ACSS2: variants seen among roughly 807,000 people sequenced by gnomAD.
ACSS2 encodes acyl-CoA synthetase short chain family member 2.
ACSS2 carries 58 observed loss-of-function variants against 90.6 expected under a neutral mutation model. The ratio of observed to expected loss-of-function variants is 0.64; its 90% CI spans 0.52 to 0.80. The LOEUF is 0.80. Among genes scored for constraint, ACSS2 ranks in the 30% least tolerant of loss-of-function variants. ACSS2 has a pLI of 0.00. For synonymous variants in ACSS2, 300 were observed against 330.9 expected (o/e 0.91, Z 1.01); for missense variants, 759 against 912.0 (o/e 0.83, Z 2.16).
chr20:34,916,065 A>G (rs548011581), intron 7 of ACSS2, among the ~76,000 whole-genome samples: 1 of 152,364 alleles, frequency 6.6e-6, no homozygotes, highest in Admixed American at 6.5e-5. Context: ...GTCTTACTCT[A>G]AATCTGCTAT....
At chr20:34,926,358 G>T in intron 16 of ACSS2, 77 bp downstream of exon 16, 2 of 1,489,850 alleles carry the variant, frequency 1.3e-6, no homozygotes, top group Non-Finnish European at 1.8e-6. Flanking sequence ...TTGGGGAGGG[G>T]CTAGAGCAAG....
rs919947840 is a variant in ACSS2, at chr20:34,923,323, G to A, written c.1549G>A (p.Val517Met). 3 of 1,612,254 alleles carry A rather than the reference G, an allele frequency of 1.9e-6. No individual in the cohort carries two copies. The highest frequency in any genetic ancestry group is 2.5e-6 in the Non-Finnish European group (3 of 1,178,322). ...ELEGEAEGYL[V>M]FKQPWPGIMR... ...TCACTGTCCCTTCCTCACTCCCCAG[G>A]TGTTCAAGCAGCCCTGGCCAGGGAT... The change falls in exon 14 of 18, where the codon GTG (valine) becomes ATG (methionine). Residue 517 changes from valine to methionine, a missense_variant and splice_region_variant. Transcript: ENST00000360596.
chr20:34,877,843 A>AAAG (rs2079959868), intron 1 of ACSS2, among the ~76,000 whole-genome samples: 1 of 151,282 alleles, frequency 6.6e-6, no homozygotes, highest in Non-Finnish European at 1.5e-5. Context: ...AAAAAAAAAA[A>AAAG]AAAAAAGGTA....
chr20:34,907,478 G>A (rs1280496012), intron 2 of ACSS2, among the ~76,000 whole-genome samples: 2 of 152,220 alleles, frequency 1.3e-5, no homozygotes, highest in African/African-American at 2.4e-5. Context: ...CATGTATATG[G>A]TGGTTGTACT....
At chr20:34,902,929 C>T (rs1489637704) in intron 2 of ACSS2, among the ~76,000 whole-genome samples, 3 of 142,992 alleles carry the variant, frequency 2.1e-5, no homozygotes, top group Non-Finnish European at 4.5e-5. Context: ...GAGAGCATTT[C>T]GCTATGTTGC....
intron 2 of ACSS2, among the ~76,000 whole-genome samples, chr20:34,887,959 A>C (rs2080239642): frequency 2.0e-5 from 3 of 148,364 alleles, no homozygotes; most frequent in African/African-American, 7.5e-5. Flanking sequence ...AATCCCAGCT[A>C]CTTGGGAGGC....
At chr20:34,906,676 GA>G (rs2080814080) in intron 2 of ACSS2, among the ~76,000 whole-genome samples, 2 of 152,104 alleles carry the variant, frequency 1.3e-5, no homozygotes, top group Non-Finnish European at 1.5e-5. Context: ...TAGCAGTGAA[GA>G]AAACAAATAA....
intron 5 of ACSS2, 122 bp downstream of exon 5, chr20:34,913,947 C>A: frequency 7.4e-7 from 1 of 1,352,276 alleles, no homozygotes; most frequent in Non-Finnish European, 1.1e-6. Context: ...CTTTTCTCTC[C>A]TGGTCCCACC....
intron 1 of ACSS2, among the ~76,000 whole-genome samples, chr20:34,878,035 G>A (rs768913076): frequency 2.0e-5 from 3 of 152,138 alleles, no homozygotes; most frequent in Non-Finnish European, 4.4e-5. Flanking sequence ...CTGGGCTCAT[G>A]CGATCTTTCC....
chr20:34,899,475 T>TCCTTCC (rs2080588341), intron 2 of ACSS2, among the ~76,000 whole-genome samples: 2 of 113,580 alleles, frequency 1.8e-5, no homozygotes, highest in Admixed American at 9.5e-5. Context: ...TCCTTTCTTT[T>TCCTTCC]TCTTTCTTTT....
At chr20:34,885,522 G>T (rs1275699129) in intron 2 of ACSS2, among the ~76,000 whole-genome samples, 1 of 152,200 alleles carries the variant, frequency 6.6e-6, no homozygotes, top group Non-Finnish European at 1.5e-5. Context: ...CTAATTACTG[G>T]AGATATTAGT....
At chr20:34,911,477 C>T (rs2080957606) in intron 2 of ACSS2, among the ~76,000 whole-genome samples, 1 of 152,136 alleles carries the variant, frequency 6.6e-6, no homozygotes, top group Non-Finnish European at 1.5e-5. Flanking sequence ...TATGAGCCAC[C>T]GTGCCCAGCC....
intron 2 of ACSS2, among the ~76,000 whole-genome samples, chr20:34,895,321 C>T (rs1211904615): frequency 6.6e-6 from 1 of 152,146 alleles, no homozygotes; most frequent in East Asian, 1.9e-4. Flanking sequence ...AAGACATCTA[C>T]CATACAACCT....
At position 34,913,498 on chromosome 20, in the gene ACSS2, TAGG is replaced by T. The variant is rs2081008948; in HGVS notation, c.570+5_570+7del. On this transcript the variant is annotated splice_donor_5th_base_variant and intron_variant, in intron 4 of 17. Transcript: ENST00000360596. ...ATTGGGGCTTTGCACTCCATTGTGGTAGGAGTTTGGGCTGGTGAAAAGGGGCAG... is the reference window on the plus strand; with the variant it reads ...ATTGGGGCTTTGCACTCCATTGTGGTAGTTTGGGCTGGTGAAAAGGGGCAG... 1 of 1,611,132 alleles carries T rather than the reference TAGG, an allele frequency of 6.2e-7. No homozygotes were observed. Among genetic ancestry groups the T allele is most frequent in the African/African-American group, 1.3e-5 (1 of 74,706 alleles).
At chr20:34,902,392 A>G (rs1467430103) in intron 2 of ACSS2, among the ~76,000 whole-genome samples, 1 of 152,240 alleles carries the variant, frequency 6.6e-6, no homozygotes, top group Non-Finnish European at 1.5e-5. Flanking sequence ...GAAAATAAGC[A>G]GTGTTATGAT....
Position 34,913,479 on chromosome 20 carries a change from G to T in ACSS2, c.553G>T (p.Ala185Ser), listed in dbSNP as rs749073668. 2.5e-6 allele frequency: 4 copies of T among 1,613,606 alleles called. No individual in the cohort carries two copies. The highest frequency in any genetic ancestry group is 2.5e-6 in the Non-Finnish European group (3 of 1,179,844). Residue 185 changes from alanine (A) to serine (S), a missense_variant, in exon 4 of 18, where the codon GCT (alanine) becomes TCT (serine). Ala to Ser is a moderately conservative substitution (Grantham distance 99, BLOSUM62 1). Coordinates refer to ENST00000360596, the MANE Select transcript of ACSS2 (RefSeq NM_018677.4). Reference protein sequence around the residue: ...VAMLACARIGALHSIVFAGFS... With the variant: ...VAMLACARIGSLHSIVFAGFS... Reference sequence around the variant, plus strand: ...CATGCTGGCATGTGCCCGCATTGGGGCTTTGCACTCCATTGTGGTAGGAGT... The same window carrying T: ...CATGCTGGCATGTGCCCGCATTGGGTCTTTGCACTCCATTGTGGTAGGAGT...
chr20:34,921,723 T>C, intron 12 of ACSS2, 63 bp from the exon 13 acceptor site: 5 of 1,608,860 alleles, frequency 3.1e-6, no homozygotes, highest in Non-Finnish European at 4.3e-6. Flanking sequence ...CTGGGGCCCC[T>C]TGGGAGTTGA....
chr20:34,909,862 G>A (rs868195917), intron 2 of ACSS2, among the ~76,000 whole-genome samples: 24 of 151,806 alleles, frequency 1.6e-4, no homozygotes, highest in Non-Finnish European at 2.9e-4. Context: ...GACTACAGGC[G>A]TGCACCACCA....
intron 2 of ACSS2, among the ~76,000 whole-genome samples, chr20:34,902,312 T>C (rs1339558496): frequency 6.6e-6 from 1 of 152,136 alleles, no homozygotes; most frequent in Non-Finnish European, 1.5e-5. Context: ...TTAATTCTAT[T>C]AATAATATTA....
Sources: gnomAD v4.1 joint callset for allele counts (sites outside exome capture counted in the v4.1 genomes callset) on GRCh38, gnomAD v4.1.1 for gene constraint, MANE v1.5 for transcripts, NCBI Gene and HGNC (gene_info 2026-07-23, HGNC 2026-07-21) for gene names.